The following SCHIP1 variants were observed in gnomAD, a reference collection of about 807,000 sequenced individuals.
SCHIP1 encodes schwannomin interacting protein 1.
Under a neutral mutation model 29.7 loss-of-function variants are expected in SCHIP1, and 8 were observed. The observed-to-expected ratio is 0.27, with a 90% confidence interval of 0.16 to 0.49. SCHIP1 has a LOEUF of 0.49. Ranked by LOEUF, SCHIP1 falls within the 20% of genes least tolerant of loss-of-function variation. The pLI is 0.99. For missense variants in SCHIP1, 193 were observed against 294.6 expected (o/e 0.66, Z 2.52); for synonymous variants, 76 against 94.9 (o/e 0.80, Z 1.16).
At chr3:159,749,361 TAA>T in the SCHIP1 span, among the ~76,000 whole-genome samples, 3 of 141,650 alleles carry the variant, frequency 2.1e-5, no homozygotes. Context: ...AAAGAGAATT[TAA>T]AAAAAAAAAA....
the SCHIP1 span, among the ~76,000 whole-genome samples, chr3:159,734,135 C>CTTTTTTTTTTTTTTTTTTTTTTTTT: frequency 2.0e-5 from 2 of 100,938 alleles, no homozygotes; most frequent in Non-Finnish European, 3.7e-5. Flanking sequence ...TTATTGTTTA[C>CTTTTTTTTTTTTTTTTTTTTTTTTT]TTTTTTTTTT....
chr3:159,706,350 C>T, the SCHIP1 span, among the ~76,000 whole-genome samples: 3 of 152,076 alleles, frequency 2.0e-5, no homozygotes, highest in Admixed American at 1.3e-4. Context: ...TCAAGAGGAA[C>T]AGAGTGGTGT....
At chr3:159,366,266 C>T in the SCHIP1 span, among the ~76,000 whole-genome samples, 120,467 of 151,994 alleles carry the variant, frequency 0.79, 48,267 homozygotes, top group African/African-American at 0.87. Context: ...ACCACCAAGA[C>T]GATGGCCCAA....
exon 7 of SCHIP1, chr3:159,896,913 G>A: frequency 1.2e-6 from 1 of 822,434 alleles, no homozygotes; most frequent in Non-Finnish European, 1.7e-6. Context: ...TCCAGTGATT[G>A]GCCTTTGCTT....
At chr3:159,434,296 T>G in the SCHIP1 span, among the ~76,000 whole-genome samples, 1 of 152,032 alleles carries the variant, frequency 6.6e-6, no homozygotes, top group Non-Finnish European at 1.5e-5. Context: ...TCTGGGACAC[T>G]GAGAGAGAGA....
the SCHIP1 span, among the ~76,000 whole-genome samples, chr3:159,473,292 TA>T: frequency 6.6e-6 from 1 of 152,114 alleles, no homozygotes; most frequent in East Asian, 1.9e-4. Flanking sequence ...AAATAGCCCA[TA>T]TTTTTAAAAA....
chr3:159,352,770 C>CTT, the SCHIP1 span, among the ~76,000 whole-genome samples: 1,197 of 147,958 alleles, frequency 8.1e-3, 13 homozygotes, highest in Non-Finnish European at 0.011. Context: ...ATTTTAATAG[C>CTT]TTTTTTTTTT....
the SCHIP1 span, among the ~76,000 whole-genome samples, chr3:159,471,333 T>C: frequency 6.6e-6 from 1 of 152,134 alleles, no homozygotes; most frequent in Non-Finnish European, 1.5e-5. Context: ...TAATTGAATA[T>C]GCAGTAAAAA....
At chr3:159,408,779 T>TA in the SCHIP1 span, among the ~76,000 whole-genome samples, 4 of 152,094 alleles carry the variant, frequency 2.6e-5, no homozygotes, top group Non-Finnish European at 5.9e-5. Context: ...ACTTTCAAAC[T>TA]AATTCAATAA....
chr3:159,424,496 GA>G, the SCHIP1 span, among the ~76,000 whole-genome samples: 1 of 152,124 alleles, frequency 6.6e-6, no homozygotes, highest in South Asian at 2.1e-4. Context: ...GAGAAAAAAA[GA>G]ATAAAAAGAA....
the SCHIP1 span, among the ~76,000 whole-genome samples, chr3:159,429,399 C>CA: frequency 6.6e-6 from 1 of 151,798 alleles, no homozygotes; most frequent in African/African-American, 2.4e-5. Flanking sequence ...TTCCCATCAC[C>CA]AAAAAAGCCA....
chr3:159,353,440 C>T, the SCHIP1 span, among the ~76,000 whole-genome samples: 1 of 152,024 alleles, frequency 6.6e-6, no homozygotes. Context: ...TGGTTTTCTA[C>T]TTGTACTTAG....
At chr3:159,518,138 C>A in the SCHIP1 span, among the ~76,000 whole-genome samples, 6 of 151,878 alleles carry the variant, frequency 4.0e-5, no homozygotes, top group Non-Finnish European at 8.8e-5. Flanking sequence ...AAGTTGCAGA[C>A]GGATATATAA....
chr3:159,840,471 C>T (rs886393003), intron 1 of SCHIP1, among the ~76,000 whole-genome samples: 1 of 151,962 alleles, frequency 6.6e-6, no homozygotes, highest in African/African-American at 2.4e-5. Flanking sequence ...TGTACGTCTG[C>T]AAAAAAGAGG....
the SCHIP1 span, among the ~76,000 whole-genome samples, chr3:159,303,996 A>G: frequency 0.05 from 7,465 of 149,750 alleles, 538 homozygotes; most frequent in African/African-American, 0.16. Context: ...ATATCTCCCA[A>G]TGCTATCCCT....
chr3:159,666,436 C>T, the SCHIP1 span, among the ~76,000 whole-genome samples: 4 of 152,152 alleles, frequency 2.6e-5, no homozygotes, highest in Non-Finnish European at 4.4e-5. Flanking sequence ...CTCATCTGCT[C>T]AAGAAAATCA....
the SCHIP1 span, among the ~76,000 whole-genome samples, chr3:159,382,021 A>G: frequency 6.6e-6 from 1 of 152,174 alleles, no homozygotes; most frequent in Non-Finnish European, 1.5e-5. Flanking sequence ...CTTCGGCCTA[A>G]TAGTGACACA....
At chr3:159,765,499 G>A in the SCHIP1 span, 1 of 226,608 alleles carries the variant, frequency 4.4e-6, no homozygotes, top group African/African-American at 2.3e-5. Context: ...AGTGCCTGCG[G>A]GGGATATTTC....
the SCHIP1 span, among the ~76,000 whole-genome samples, chr3:159,601,401 T>C: frequency 6.6e-6 from 1 of 152,094 alleles, no homozygotes; most frequent in African/African-American, 2.4e-5. Flanking sequence ...AAGCCCTGCT[T>C]TAGCATGAAG....
Sources: allele counts gnomAD v4.1 joint callset (sites outside exome capture counted in the v4.1 genomes callset), GRCh38; gene constraint gnomAD v4.1.1; transcripts MANE v1.5; gene names NCBI Gene and HGNC (gene_info 2026-07-23, HGNC 2026-07-21).